Variants in TMEM255A observed in about 807,000 individuals in gnomAD.
The protein encoded by TMEM255A is transmembrane protein 255A.
TMEM255A carries 14 observed loss-of-function variants against 23.5 expected under a neutral mutation model. That is an observed-to-expected ratio of 0.60 (90% CI 0.39 to 0.93). The LOEUF (loss-of-function observed/expected upper bound fraction) is 0.93, where lower values mean the gene tolerates loss of function less well. Among genes scored for constraint, TMEM255A ranks in the 40% least tolerant of loss-of-function variants. The pLI is 0.00. For missense variants in TMEM255A, 233 were observed against 261.7 expected (o/e 0.89, Z 0.76); for synonymous variants, 104 against 100.3 (o/e 1.04, Z -0.22).
intron 6 of TMEM255A, among the ~76,000 whole-genome samples, chrX:120,279,263 C>T (rs2057821053): frequency 1.8e-5 from 2 of 112,173 alleles, no homozygotes; most frequent in Admixed American, 9.4e-5. Context: ...GTGTGAGCCA[C>T]CACACTTGGC....
downstream of TMEM255A, chrX:120,256,911 C>T (rs2057641944): frequency 8.2e-6 from 1 of 121,371 alleles, no homozygotes; most frequent in East Asian, 2.8e-4. Flanking sequence ...TTTCTCCTGA[C>T]CATGTATTTT....
intron 8 of TMEM255A, among the ~76,000 whole-genome samples, chrX:120,262,433 A>G (rs1462837420): frequency 9.0e-6 from 1 of 111,573 alleles, no homozygotes; most frequent in Non-Finnish European, 1.9e-5. Context: ...AATCCCATCC[A>G]TTATTTCACT....
intron 2 of TMEM255A, among the ~76,000 whole-genome samples, chrX:120,295,864 C>T (rs1229616148): frequency 1.8e-5 from 2 of 112,137 alleles, no homozygotes; most frequent in Admixed American, 9.4e-5. Context: ...GTAAATATTA[C>T]TTTTTTCTAG....
At position 120,268,391 on chromosome X, in the gene TMEM255A, T is replaced by C. The variant is rs1396863193; in HGVS notation, c.676-4A>G. The C allele has an allele frequency of 3.4e-6, 4 of 1,189,447 alleles. No individual in the cohort carries two copies. The highest frequency in any genetic ancestry group is 3.6e-5 in the African/African-American group (2 of 56,125). On this transcript the variant is annotated splice_polypyrimidine_tract_variant and splice_region_variant and intron_variant, in intron 7 of 8. Coordinates refer to ENST00000371369, the MANE Select transcript of TMEM255A (RefSeq NM_001104544.3). ...TCAGTGCTGGGAGAGTTGGGTTCTG[T>C]AGAAAAACACAAATTAGAAACAACA...
intron 1 of TMEM255A, among the ~76,000 whole-genome samples, chrX:120,311,048 G>C (rs782424760): frequency 9.9e-5 from 11 of 110,834 alleles, no homozygotes; most frequent in African/African-American, 3.3e-4. Context: ...TTGGCGCTCC[G>C]ATCTCCGCAC....
intron 8 of TMEM255A, among the ~76,000 whole-genome samples, chrX:120,265,988 CAA>C (rs782107279): frequency 7.4e-4 from 51 of 68,730 alleles, no homozygotes; most frequent in African/African-American, 2.0e-3. Flanking sequence ...ACAAAAGATA[CAA>C]AAAAAAAAAA....
At position 120,294,013 on chromosome X, in the gene TMEM255A, G is replaced by T; in HGVS notation, c.240C>A (p.Asn80Lys). 1 of 1,194,088 alleles carries T rather than the reference G, an allele frequency of 8.4e-7. No homozygotes were observed. The highest frequency in any genetic ancestry group is 1.1e-6 in the Non-Finnish European group (1 of 883,381). The change falls in exon 3 of 9, where the codon AAC becomes AAA. Residue 80 changes from asparagine (N) to lysine (K), a missense_variant. Coordinates refer to ENST00000371369, the MANE Select transcript of TMEM255A (RefSeq NM_001104544.3). ...CCATCTGCCTTTTGTTCTCAATAAG[G>T]TTTGATCCAATGATTCCAAGGAACG... is the stretch of plus-strand genomic sequence containing the variant. ...FGSFLGIIGS[N>K]LIENKRQMLV...
Position 120,273,263 on chromosome X carries a change from C to T in TMEM255A, c.675+3622G>A, listed in dbSNP as rs2057774563. The T allele has an allele frequency of 2.8e-5, 7 of 249,814 alleles. No homozygotes were observed. The South Asian group carries it at 5.1e-4, about 18-fold the overall frequency. The allele number at this position is 249,814 out of a possible 1,213,427, so 20.6% of individuals were successfully genotyped here. On this transcript the variant is annotated intron_variant, in intron 7 of 8. Coordinates refer to ENST00000371369, the MANE Select transcript of TMEM255A (RefSeq NM_001104544.3). ...GGAAGAAACAGAAGTTAAAAGGAAA[C>T]AACTCCACAATTTAGAAGTTGTTTG...
chrX:120,279,448 A>C (rs1214192970), intron 6 of TMEM255A, among the ~76,000 whole-genome samples: 6 of 112,396 alleles, frequency 5.3e-5, no homozygotes, highest in Admixed American at 3.7e-4. Context: ...TACTGCCCCC[A>C]AAAACGGACA....
downstream of TMEM255A, chrX:120,255,050 A>G: frequency 8.3e-7 from 1 of 1,211,883 alleles, no homozygotes; most frequent in Non-Finnish European, 1.1e-6. Flanking sequence ...TTCATCACAC[A>G]GGGGAGCGAA....
intron 2 of TMEM255A, among the ~76,000 whole-genome samples, chrX:120,302,767 G>A (rs1405878580): frequency 1.8e-5 from 2 of 110,900 alleles, no homozygotes; most frequent in African/African-American, 6.6e-5. Context: ...CTTCTCAAGA[G>A]CTATTGAGGA....
chrX:120,302,474 C>G (rs995221384), intron 2 of TMEM255A, among the ~76,000 whole-genome samples: 8 of 109,799 alleles, frequency 7.3e-5, no homozygotes, highest in East Asian at 2.9e-4. Context: ...TATCTTACCC[C>G]CTCTGTTCCT....
intron 8 of TMEM255A, among the ~76,000 whole-genome samples, chrX:120,263,540 C>T (rs782112151): frequency 9.0e-6 from 1 of 111,651 alleles, no homozygotes; most frequent in East Asian, 2.8e-4. Flanking sequence ...TCCGTCAGGG[C>T]ATGCTTCTCT....
intron 6 of TMEM255A, among the ~76,000 whole-genome samples, chrX:120,283,145 C>G (rs1244929063): frequency 9.0e-6 from 1 of 111,310 alleles, no homozygotes; most frequent in African/African-American, 3.3e-5. Context: ...TGTTACATTT[C>G]TTTGATCATT....
intron 4 of TMEM255A, among the ~76,000 whole-genome samples, 166 bp downstream of exon 4, chrX:120,291,085 T>C (rs1233869612): frequency 5.4e-5 from 6 of 111,679 alleles, no homozygotes; most frequent in African/African-American, 1.6e-4. Context: ...CGCGTGTCCA[T>C]TGGTGTCTTC....
intron 1 of TMEM255A, among the ~76,000 whole-genome samples, chrX:120,307,506 G>T (rs917423401): frequency 3.6e-5 from 4 of 112,099 alleles, no homozygotes; most frequent in Non-Finnish European, 7.5e-5. Context: ...TGCCTATTAC[G>T]ATTTATACCT....
intron 1 of TMEM255A, among the ~76,000 whole-genome samples, chrX:120,307,856 C>G (rs2058074559): frequency 8.9e-6 from 1 of 112,017 alleles, no homozygotes; most frequent in Non-Finnish European, 1.9e-5. Flanking sequence ...TCAGCAGCCT[C>G]CCTGCAGAAC....
intron 5 of TMEM255A, 56 bp from the exon 6 acceptor site, chrX:120,285,271 T>C (rs1798850706): frequency 9.8e-7 from 1 of 1,018,421 alleles, no homozygotes; most frequent in South Asian, 1.9e-5. Context: ...AGCAGGACCC[T>C]CTGGGATTGG....
chrX:120,278,650 C>T (rs1259231879), intron 6 of TMEM255A, among the ~76,000 whole-genome samples: 3 of 112,051 alleles, frequency 2.7e-5, no homozygotes, highest in Non-Finnish European at 3.8e-5. Context: ...AAAGTCACAA[C>T]GAAACGCCCT....
Sources: gnomAD v4.1 joint callset for allele counts (sites outside exome capture counted in the v4.1 genomes callset) on GRCh38, gnomAD v4.1.1 for gene constraint, MANE v1.5 for transcripts, NCBI Gene and HGNC (gene_info 2026-07-23, HGNC 2026-07-21) for gene names.